Variants in MYO5C observed in about 807,000 individuals in gnomAD.
The protein encoded by MYO5C is myosin VC, also known as unconventional myosin-Vc.
A neutral mutation model predicts 235.7 loss-of-function variants in MYO5C; 194 were observed. That is an observed-to-expected ratio of 0.82 (90% confidence interval 0.73 to 0.93). MYO5C has a LOEUF of 0.93. Ranked by LOEUF, MYO5C falls within the 40% of genes least tolerant of loss-of-function variation. MYO5C has a pLI of 0.00. For synonymous variants in MYO5C, 707 were observed against 754.8 expected, an observed-to-expected ratio of 0.94 and a Z score of 1.04; for missense variants, 2,038 against 2,127.2, an observed-to-expected ratio of 0.96 and a Z score of 0.82.
intron 1 of MYO5C, among the ~76,000 whole-genome samples, chr15:52,285,800 G>C (rs1244901266): frequency 6.6e-6 from 1 of 152,194 alleles, no homozygotes; most frequent in African/African-American, 2.4e-5. Flanking sequence ...GAGTGCAGTG[G>C]CGTGATCTCG....
chr15:52,260,749 T>C, intron 10 of MYO5C, 113 bp downstream of exon 10: 1 of 1,224,356 alleles, frequency 8.2e-7, no homozygotes, highest in Non-Finnish European at 1.1e-6. Flanking sequence ...AAGCAGAGAA[T>C]GTTATCTTTC....
intron 32 of MYO5C, among the ~76,000 whole-genome samples, chr15:52,216,598 GT>G (rs199723796): frequency 9.3e-5 from 14 of 151,128 alleles, no homozygotes; most frequent in East Asian, 5.8e-4. Flanking sequence ...ATTACTAAAA[GT>G]TTTTTTTTAA....
At chr15:52,202,246 G>A (rs184364333) in intron 38 of MYO5C, among the ~76,000 whole-genome samples, 135 of 152,174 alleles carry the variant, frequency 8.9e-4, no homozygotes, top group Middle Eastern at 6.8e-3. Context: ...GCATGGTGGC[G>A]CATGCCTGTA....
At chr15:52,253,170 C>A in intron 12 of MYO5C, 147 bp downstream of exon 12, 1 of 836,334 alleles carries the variant, frequency 1.2e-6, no homozygotes, top group East Asian at 2.5e-5. Context: ...GGGGTCCCTG[C>A]TGTGGATGCT....
At chr15:52,209,206 C>G (rs754119437) in intron 35 of MYO5C, among the ~76,000 whole-genome samples, 3 of 152,090 alleles carry the variant, frequency 2.0e-5, no homozygotes, top group Non-Finnish European at 2.9e-5. Flanking sequence ...GAGGGGAAAA[C>G]AGAGAAAATC....
rs540169997 is a variant in MYO5C at position 52,239,800 on chromosome 15, C to G, written c.2636G>C (p.Arg879Pro). Residue 879 changes from arginine (R) to proline (P), a missense_variant, in exon 21 of 41, where the codon CGA becomes CCA. Coordinates refer to ENST00000261839, the MANE Select transcript of MYO5C (RefSeq NM_018728.4). ...AAGCTGAATATTAAGCACGAATCGTCGGATACTCTGGAATCTGCGTCTGGC... is the reference window on the plus strand; with the variant it reads ...AAGCTGAATATTAAGCACGAATCGTGGGATACTCTGGAATCTGCGTCTGGC... The part of the protein sequence containing the change: ...WLARRRFQSI[R>P]RFVLNIQLTY... 2.5e-6 allele frequency: 4 copies of G among 1,613,846 alleles called. No homozygotes were observed. The highest frequency in any genetic ancestry group is 2.2e-5 in the East Asian group (1 of 44,862).
intron 1 of MYO5C, among the ~76,000 whole-genome samples, chr15:52,287,701 G>C (rs979305880): frequency 1.3e-5 from 2 of 152,322 alleles, no homozygotes; most frequent in Admixed American, 6.5e-5. Context: ...TTCTGGCCAG[G>C]CGCGGTGGCT....
intron 38 of MYO5C, among the ~76,000 whole-genome samples, chr15:52,196,767 G>A (rs1026806912): frequency 6.6e-6 from 1 of 152,184 alleles, no homozygotes; most frequent in Admixed American, 6.5e-5. Context: ...TTTGAAAATT[G>A]ATTAAAGGAA....
intron 22 of MYO5C, 99 bp downstream of exon 22, chr15:52,237,383 G>T (rs2036109076): frequency 7.1e-7 from 1 of 1,413,330 alleles, no homozygotes; most frequent in Non-Finnish European, 9.6e-7. Flanking sequence ...AATCTGATTT[G>T]CTCTGCAGAA....
Position 52,246,967 on chromosome 15 carries a change from C to T in MYO5C, c.1929G>A (p.Thr643=), listed in dbSNP as rs545039645. 8.9e-5 allele frequency: 143 copies of T among 1,614,018 alleles called. 2 individuals carry two copies. In the South Asian group the frequency reaches 9.8e-4, roughly 11 times the overall value. Residue 643 remains threonine (T), a synonymous_variant, in exon 16 of 41, where the codon ACG becomes ACA. Transcript: ENST00000261839. ...GCTTGATGCATCGAACGTAGTGGGGCGTCGTCGCATTGAGGGTCTCCATGA... is the reference window on the plus strand; with the variant it reads ...GCTTGATGCATCGAACGTAGTGGGGTGTCGTCGCATTGAGGGTCTCCATGA... ...YLLMETLNAT[T]PHYVRCIKPN... is the part of the protein sequence containing the mutation.
intron 24 of MYO5C, among the ~76,000 whole-genome samples, chr15:52,231,474 C>T (rs2035948775): frequency 6.6e-6 from 1 of 152,190 alleles, no homozygotes; most frequent in Non-Finnish European, 1.5e-5. Context: ...ATGCCGAGAG[C>T]CGAGCTCTTC....
chr15:52,245,355 T>G lies in MYO5C; in HGVS notation c.2177A>C (p.Gln726Pro). The G allele has an allele frequency of 6.2e-7, 1 of 1,608,930 alleles. No homozygotes were observed. Among genetic ancestry groups the G allele is most frequent in the East Asian group, 2.2e-5 (1 of 44,876 alleles). Reference protein sequence around the residue: ...VCKVVLHRLIQDSNQYQFGKT... With the variant: ...VCKVVLHRLIPDSNQYQFGKT... ...ATCCCAGGAGGTGGGGAAACTGACCTGGATGAGTCTGTGTAAAACCACCTT... is the reference window on the plus strand; with the variant it reads ...ATCCCAGGAGGTGGGGAAACTGACCGGGATGAGTCTGTGTAAAACCACCTT... The change falls in exon 18 of 41, where the codon CAG (glutamine) becomes CCG (proline). Residue 726 changes from glutamine to proline, a missense_variant and splice_region_variant. Coordinates refer to ENST00000261839, the MANE Select transcript of MYO5C (RefSeq NM_018728.4).
At chr15:52,245,575 C>T (rs1417773790) in intron 17 of MYO5C, 110 bp from the exon 18 acceptor site, 1 of 798,332 alleles carries the variant, frequency 1.3e-6, no homozygotes, top group Non-Finnish European at 2.2e-6. Context: ...GTGGTGCAAT[C>T]TGTCCTGAGG....
At chr15:52,224,008 C>T (rs1274629786) in intron 28 of MYO5C, among the ~76,000 whole-genome samples, 5 of 152,166 alleles carry the variant, frequency 3.3e-5, no homozygotes, top group South Asian at 2.1e-4. Context: ...ACTGGCCAGA[C>T]GCAGTGGCTC....
intron 13 of MYO5C, 44 bp downstream of exon 13, chr15:52,251,344 GTA>G (rs1566979755): frequency 6.5e-7 from 1 of 1,542,064 alleles, no homozygotes. Context: ...TCTGGAGGCT[GTA>G]CAGGTTCCGG....
intron 1 of MYO5C, 67 bp downstream of exon 1, chr15:52,295,543 G>T (rs149336329): frequency 0.038 from 55,889 of 1,483,444 alleles, 1,208 homozygotes; most frequent in East Asian, 0.055. Flanking sequence ...CCGGGCGCCA[G>T]GTCGAGTCAG....
chr15:52,275,414 C>T lies in MYO5C; in HGVS notation c.606+148G>A, dbSNP rs565373363. On this transcript the variant is annotated intron_variant, in intron 5 of 40. Transcript: ENST00000261839. Reference sequence around the variant, plus strand: ...TTCTGCCCCCATCTCCTTCAAATCCCACCAGCAAATAGGCTTCCCGGGTCT... The same window carrying T: ...TTCTGCCCCCATCTCCTTCAAATCCTACCAGCAAATAGGCTTCCCGGGTCT... The T allele has an allele frequency of 5.8e-5, 54 of 925,666 alleles. No individual in the cohort carries two copies. In the Middle Eastern group the frequency reaches 9.2e-4, roughly 16 times the overall value. The allele number at this position is 925,666 out of a possible 1,614,324, so 57.3% of individuals were successfully genotyped here.
intron 38 of MYO5C, among the ~76,000 whole-genome samples, chr15:52,202,020 GC>G (rs1314648966): frequency 6.6e-6 from 1 of 150,786 alleles, no homozygotes. Context: ...AAAACCAGAA[GC>G]AACAAGCAGA....
chr15:52,266,864 A>G (rs2036824128), intron 8 of MYO5C, among the ~76,000 whole-genome samples: 1 of 152,222 alleles, frequency 6.6e-6, no homozygotes, highest in African/African-American at 2.4e-5. Context: ...GTTGCAGGGA[A>G]GAGGTGCAGT....
Sources: allele counts gnomAD v4.1 joint callset (sites outside exome capture counted in the v4.1 genomes callset), GRCh38; gene constraint gnomAD v4.1.1; transcripts MANE v1.5; gene names NCBI Gene and HGNC (gene_info 2026-07-23, HGNC 2026-07-21).